ERC2: variants seen among roughly 807,000 people sequenced by gnomAD.
The protein encoded by ERC2 is ERC protein 2.
A neutral mutation model predicts 114.8 loss-of-function variants in ERC2; 42 were observed. The ratio of observed to expected loss-of-function variants is 0.37; its 90% CI spans 0.29 to 0.47. The LOEUF (loss-of-function observed/expected upper bound fraction) is 0.47. Ranked by LOEUF, ERC2 falls within the 20% of genes least tolerant of loss-of-function variation. The pLI is 0.99. For missense variants in ERC2, 939 were observed against 1,150.7 expected (o/e 0.82, Z 2.66); for synonymous variants, 454 against 425.5 (o/e 1.07, Z -0.82).
chr3:56,175,617 T>C (rs1408730091), intron 3 of ERC2, among the ~76,000 whole-genome samples: 1 of 152,102 alleles, frequency 6.6e-6, no homozygotes, highest in East Asian at 1.9e-4. Flanking sequence ...ATGTTATGTG[T>C]GGTGAGTACA....
intron 14 of ERC2, among the ~76,000 whole-genome samples, chr3:55,764,031 G>A (rs906141345): frequency 6.6e-6 from 1 of 152,138 alleles, no homozygotes; most frequent in Non-Finnish European, 1.5e-5. Context: ...CCCCAAACAA[G>A]TTCCCAAATA....
chr3:56,404,889 A>G (rs968062771), intron 2 of ERC2, among the ~76,000 whole-genome samples: 2 of 152,214 alleles, frequency 1.3e-5, no homozygotes, highest in South Asian at 2.1e-4. Context: ...GAAGCACCCA[A>G]TTTCTGGCTG....
intron 14 of ERC2, among the ~76,000 whole-genome samples, chr3:55,802,460 C>A (rs1163240155): frequency 6.6e-6 from 1 of 152,118 alleles, no homozygotes. Context: ...AAGCACAAAC[C>A]TATTAGAAGC....
intron 14 of ERC2, among the ~76,000 whole-genome samples, chr3:55,878,678 G>A (rs1249164415): frequency 6.6e-6 from 1 of 152,190 alleles, no homozygotes; most frequent in Non-Finnish European, 1.5e-5. Flanking sequence ...CCTCACAGGA[G>A]GTGACAGCAC....
At chr3:55,567,256 C>G (rs1366527831) in intron 17 of ERC2, among the ~76,000 whole-genome samples, 1 of 152,118 alleles carries the variant, frequency 6.6e-6, no homozygotes, top group Non-Finnish European at 1.5e-5. Context: ...ACTGCTTGAA[C>G]CACCATGTGA....
chr3:55,995,151 G>A (rs1199751742), intron 10 of ERC2, among the ~76,000 whole-genome samples: 1 of 152,124 alleles, frequency 6.6e-6, no homozygotes, highest in Non-Finnish European at 1.5e-5. Context: ...TGGCCAATAT[G>A]GTAACACCCC....
rs74549842 is a variant in ERC2 at position 56,057,973 on chromosome 3, T to C, written c.1641+22844A>G. 1.3e-3 allele frequency among the ~76,000 whole-genome samples: 194 copies of C among 152,352 alleles called. 1 individual carries two copies. The highest frequency in any genetic ancestry group is 4.4e-3 in the African/African-American group (185 of 41,584). ...AAATAACATTACATAATGTTCCACA[T>C]TAAATTCTTCTCCAATTAATTGATT... On this transcript the variant is annotated intron_variant, in intron 7 of 17. Coordinates refer to ENST00000288221, the MANE Select transcript of ERC2 (RefSeq NM_015576.3).
chr3:56,115,615 C>A (rs1236373863), intron 6 of ERC2, among the ~76,000 whole-genome samples: 1 of 152,126 alleles, frequency 6.6e-6, no homozygotes, highest in Non-Finnish European at 1.5e-5. Flanking sequence ...ATCACAGGTT[C>A]TTTTAATTCC....
chr3:56,447,779 GC>G (rs2062645957), intron 1 of ERC2, among the ~76,000 whole-genome samples: 1 of 151,200 alleles, frequency 6.6e-6, no homozygotes, highest in Non-Finnish European at 1.5e-5. Context: ...GTCTCGCTCT[GC>G]CACCCAGGCT....
At chr3:55,575,052 T>G (rs2056905357) in intron 17 of ERC2, among the ~76,000 whole-genome samples, 1 of 152,186 alleles carries the variant, frequency 6.6e-6, no homozygotes, top group South Asian at 2.1e-4. Context: ...GTTGCCCTGT[T>G]GCCCAGACTG....
At chr3:55,664,736 T>C (rs815473) in intron 17 of ERC2, among the ~76,000 whole-genome samples, 2 of 152,058 alleles carry the variant, frequency 1.3e-5, no homozygotes, top group South Asian at 2.1e-4. Flanking sequence ...GGCGAGGTTG[T>C]GGGGAAACCA....
At chr3:56,285,309 T>C (rs2054622993) in intron 3 of ERC2, among the ~76,000 whole-genome samples, 2 of 151,708 alleles carry the variant, frequency 1.3e-5, no homozygotes. Flanking sequence ...ACCACCATAA[T>C]TATTTTGCAA....
intron 9 of ERC2, among the ~76,000 whole-genome samples, chr3:56,008,637 G>C (rs1293969816): frequency 1.3e-5 from 2 of 152,134 alleles, no homozygotes; most frequent in Admixed American, 6.6e-5. Context: ...AACTTGGCTA[G>C]GCTCTAGTCC....
chr3:55,677,087 G>A (rs2061848055), intron 17 of ERC2, among the ~76,000 whole-genome samples: 1 of 152,160 alleles, frequency 6.6e-6, no homozygotes, highest in Non-Finnish European at 1.5e-5. Flanking sequence ...GAAAGAGGTG[G>A]ACTGAGACAT....
intron 7 of ERC2, among the ~76,000 whole-genome samples, chr3:56,046,633 CT>C: frequency 6.6e-6 from 1 of 152,244 alleles, no homozygotes; most frequent in South Asian, 2.1e-4. Context: ...CTGATAAATT[CT>C]AATGGACAGA....
At chr3:55,653,643 A>G (rs1198253301) in intron 17 of ERC2, among the ~76,000 whole-genome samples, 1 of 151,448 alleles carries the variant, frequency 6.6e-6, no homozygotes, top group Non-Finnish European at 1.5e-5. Context: ...GGAATGACAG[A>G]GTGCATAGAT....
intron 10 of ERC2, among the ~76,000 whole-genome samples, chr3:55,997,210 G>A (rs1322514113): frequency 4.6e-5 from 7 of 152,174 alleles, no homozygotes; most frequent in South Asian, 2.1e-4. Context: ...GAATGTTAAC[G>A]AATGTATTTG....
chr3:55,942,836 A>G (rs1158767883), intron 13 of ERC2, among the ~76,000 whole-genome samples: 1 of 152,196 alleles, frequency 6.6e-6, no homozygotes, highest in Admixed American at 6.5e-5. Flanking sequence ...ATCATTGCCT[A>G]TGTCATTGAT....
chr3:55,808,722 T>TATATAC (rs2059591038), intron 14 of ERC2, among the ~76,000 whole-genome samples: 3 of 121,622 alleles, frequency 2.5e-5, no homozygotes, highest in Non-Finnish European at 1.6e-5. Context: ...TATATATATA[T>TATATAC]ATATATATAT....
Sources: gnomAD v4.1 joint callset for allele counts (sites outside exome capture counted in the v4.1 genomes callset) on GRCh38, gnomAD v4.1.1 for gene constraint, MANE v1.5 for transcripts, NCBI Gene and HGNC (gene_info 2026-07-23, HGNC 2026-07-21) for gene names.